The following DNAH14 variants were observed in gnomAD, a reference collection of about 807,000 sequenced individuals.
DNAH14 encodes axonemal beta dynein heavy chain 14.
A neutral mutation model predicts 520.9 loss-of-function variants in DNAH14; 478 were observed. That is an observed-to-expected ratio of 0.92 (90% CI 0.85 to 0.99). The LOEUF is 0.99. DNAH14 is among the 50% of genes least tolerant of loss of function. The pLI is 0.00. For synonymous variants in DNAH14, 1,581 were observed against 1,757.2 expected (o/e 0.90, Z 2.51); for missense variants, 4,831 against 5,234.5 (o/e 0.92, Z 2.38).
At chr1:224,980,326 A>G (rs1572213907) in intron 8 of DNAH14, among the ~76,000 whole-genome samples, 1 of 152,300 alleles carries the variant, frequency 6.6e-6, no homozygotes, top group South Asian at 2.1e-4. Context: ...CCCTTGGTGA[A>G]CATCAGTGGT....
intron 77 of DNAH14, among the ~76,000 whole-genome samples, chr1:225,373,283 G>A (rs1032781739): frequency 2.4e-4 from 36 of 152,262 alleles, no homozygotes; most frequent in African/African-American, 6.0e-4. Context: ...GAGGTCAGGA[G>A]ATCGAGACCA....
At chr1:225,198,566 T>C (rs911487685) in intron 38 of DNAH14, among the ~76,000 whole-genome samples, 4 of 152,332 alleles carry the variant, frequency 2.6e-5, no homozygotes, top group African/African-American at 9.6e-5. Flanking sequence ...CAATGCTGGA[T>C]TTTGTTTAAT....
Position 224,954,941 on chromosome 1 carries a change from G to T in DNAH14, c.78-18G>T. 1 of 1,553,548 alleles carries T rather than the reference G, an allele frequency of 6.4e-7. No homozygotes were observed. The highest frequency in any genetic ancestry group is 8.8e-7 in the Non-Finnish European group (1 of 1,142,716). On this transcript the variant is annotated intron_variant, in intron 2 of 85. Transcript: ENST00000682510. The stretch of plus-strand genomic sequence containing the variant: ...ATTTTCCATTTATTTTCTTAGAATT[G>T]TTTTCTTTGTCATTTAGACTTTTAA...
chr1:225,293,623 G>T (rs10799299), intron 55 of DNAH14, among the ~76,000 whole-genome samples: 83,936 of 151,828 alleles, frequency 0.55, 23,486 homozygotes, highest in East Asian at 0.79. Flanking sequence ...GATGAGAACA[G>T]ATGGACACAG....
chr1:225,055,358 C>G (rs2068932814), intron 17 of DNAH14, among the ~76,000 whole-genome samples: 1 of 152,048 alleles, frequency 6.6e-6, no homozygotes, highest in East Asian at 1.9e-4. Context: ...CAGTTCTAGA[C>G]TATTACTGAA....
chr1:225,264,343 G>C, intron 47 of DNAH14, 82 bp downstream of exon 47: 1 of 1,095,246 alleles, frequency 9.1e-7, no homozygotes, highest in Non-Finnish European at 1.3e-6. Flanking sequence ...TACATTCATG[G>C]ATCTCAGAAT....
intron 38 of DNAH14, among the ~76,000 whole-genome samples, chr1:225,193,766 G>C (rs2085753545): frequency 6.6e-6 from 1 of 152,194 alleles, no homozygotes; most frequent in Non-Finnish European, 1.5e-5. Flanking sequence ...AACTATCTCT[G>C]TTTGCAGACA....
intron 41 of DNAH14, among the ~76,000 whole-genome samples, chr1:225,213,106 C>T (rs2088702213): frequency 6.6e-6 from 1 of 152,154 alleles, no homozygotes; most frequent in Non-Finnish European, 1.5e-5. Context: ...GGAAGTGATC[C>T]AGTTTCAACT....
intron 42 of DNAH14, among the ~76,000 whole-genome samples, chr1:225,238,709 G>A (rs988511093): frequency 2.0e-5 from 3 of 152,160 alleles, no homozygotes; most frequent in African/African-American, 7.2e-5. Flanking sequence ...ATAGCTGGCA[G>A]GCTGGAACAG....
intron 69 of DNAH14, 82 bp from the exon 70 acceptor site, chr1:225,345,880 T>C: frequency 2.4e-6 from 3 of 1,227,536 alleles, no homozygotes; most frequent in South Asian, 3.1e-5. Context: ...TACAAACCCT[T>C]ACACAAAGAG....
intron 41 of DNAH14, among the ~76,000 whole-genome samples, chr1:225,216,076 T>A (rs902078298): frequency 1.3e-5 from 2 of 152,210 alleles, no homozygotes; most frequent in African/African-American, 4.8e-5. Context: ...CAGGAGCTCT[T>A]GTAAGGCAGG....
chr1:225,210,204 G>A (rs189831201), intron 41 of DNAH14, among the ~76,000 whole-genome samples: 34 of 152,184 alleles, frequency 2.2e-4, no homozygotes, highest in African/African-American at 6.3e-4. Context: ...AGAAAGCCAC[G>A]TGGTCTAGTT....
chr1:224,974,918 G>A (rs943080712), intron 8 of DNAH14, among the ~76,000 whole-genome samples: 7 of 152,138 alleles, frequency 4.6e-5, no homozygotes, highest in Admixed American at 3.9e-4. Context: ...CTAATTTATT[G>A]AGAGTTTTTA....
At chr1:224,982,947 C>G (rs2062377141) in intron 8 of DNAH14, among the ~76,000 whole-genome samples, 1 of 152,122 alleles carries the variant, frequency 6.6e-6, no homozygotes, top group South Asian at 2.1e-4. Flanking sequence ...ATGAAATATT[C>G]TGTATATATC....
rs2094831771 is a variant in DNAH14 at position 225,332,885 on chromosome 1, A to C, written c.9865-406A>C. On this transcript the variant is annotated intron_variant, in intron 65 of 85. Transcript: ENST00000682510. ...CATGGTGGCACATGCCTGTCATTGT[A>C]AGCCACTCAGAAGGCTGAGGTGGGA... Among the ~76,000 whole-genome samples the C allele has an allele frequency of 5.3e-5, 8 of 151,726 alleles. No individual in the cohort carries two copies. The South Asian group carries it at 1.7e-3, about 32-fold the overall frequency.
chr1:225,023,888 A>C (rs1268544561), intron 11 of DNAH14, 23 bp downstream of exon 11: 1 of 1,502,950 alleles, frequency 6.7e-7, no homozygotes, highest in East Asian at 2.5e-5. Context: ...TTTGAAGTCA[A>C]AAAGTAACTT....
At chr1:225,334,552 G>A (rs1053490131) in intron 66 of DNAH14, among the ~76,000 whole-genome samples, 1 of 152,074 alleles carries the variant, frequency 6.6e-6, no homozygotes, top group East Asian at 1.9e-4. Context: ...AAATGGCTAT[G>A]TATCTATCTT....
intron 4 of DNAH14, chr1:224,961,473 G>A (rs2060840058): frequency 6.6e-6 from 1 of 152,126 alleles, no homozygotes; most frequent in African/African-American, 2.4e-5. Context: ...GCATTCCTGG[G>A]GAGGCCTCAG....
intron 1 of DNAH14, among the ~76,000 whole-genome samples, chr1:224,938,061 A>G (rs567509935): frequency 2.0e-5 from 3 of 152,330 alleles, no homozygotes; most frequent in East Asian, 3.9e-4. Context: ...AAAATGGATT[A>G]AAGACCTGAA....
Sources: gnomAD v4.1 joint callset for allele counts (sites outside exome capture counted in the v4.1 genomes callset) on GRCh38, gnomAD v4.1.1 for gene constraint, MANE v1.5 for transcripts, NCBI Gene and HGNC (gene_info 2026-07-23, HGNC 2026-07-21) for gene names.